ERGIC3: variants seen among roughly 807,000 people sequenced by gnomAD.
ERGIC3 encodes the protein endoplasmic reticulum-Golgi intermediate compartment protein 3.
In ERGIC3, 33 loss-of-function variants were observed where a neutral mutation model predicts 54.7. That is an observed-to-expected ratio of 0.60 (90% CI 0.46 to 0.81). The LOEUF (loss-of-function observed/expected upper bound fraction) is 0.81, where lower values mean the gene tolerates loss of function less well. Among genes scored for constraint, ERGIC3 ranks in the 30% least tolerant of loss-of-function variants. The pLI is 0.00. For synonymous variants in ERGIC3, 186 were observed against 189.8 expected (o/e 0.98, Z 0.16); for missense variants, 399 against 488.4 (o/e 0.82, Z 1.73).
intron 4 of ERGIC3, among the ~76,000 whole-genome samples, chr20:35,547,077 A>G (rs549058662): frequency 6.6e-6 from 1 of 152,294 alleles, no homozygotes; most frequent in Admixed American, 6.5e-5. Flanking sequence ...ACTTCTCATC[A>G]GTGAGCCTCA....
Position 35,542,748 on chromosome 20 carries a change from C to T in ERGIC3, c.248-74C>T, listed in dbSNP as rs752053585. ...TTCTGCCCCAAGACAGGCCCAGTATCCCCTTCCCCTCCAAAACCCACATCC... is the reference window on the plus strand; with the variant it reads ...TTCTGCCCCAAGACAGGCCCAGTATTCCCTTCCCCTCCAAAACCCACATCC... On this transcript the variant is annotated intron_variant, in intron 3 of 12. Coordinates refer to ENST00000348547, the MANE Select transcript of ERGIC3 (RefSeq NM_015966.3). 9 of 1,611,890 alleles carry T rather than the reference C, an allele frequency of 5.6e-6. No individual in the cohort carries two copies. The African/African-American group carries it at 1.2e-4, about 22-fold the overall frequency.
chr20:35,557,612 T>G lies in ERGIC3; in HGVS notation c.*108T>G, dbSNP rs1333568376. On this transcript the variant is annotated 3_prime_UTR_variant, in exon 13 of 13. Coordinates refer to ENST00000348547, the MANE Select transcript of ERGIC3 (RefSeq NM_015966.3). ...TCAGCCCCAGCCCCAGGTTGATAAA[T>G]CTATTGATTGATTGTGATAGTACTC... The G allele has an allele frequency of 1.1e-6, 1 of 910,418 alleles. No individual in the cohort carries two copies. 56.4% of individuals were successfully genotyped at this position (910,418 alleles called of 1,614,324 possible).
Position 35,556,858 on chromosome 20 carries a change from C to G in ERGIC3, c.880-115C>G, listed in dbSNP as rs759762381. 1.9e-5 allele frequency: 27 copies of G among 1,442,390 alleles called. 1 individual carries two copies. In the South Asian group the frequency reaches 2.2e-4, roughly 12 times the overall value. The allele number at this position is 1,442,390 out of a possible 1,614,324, so 89.3% of individuals were successfully genotyped here. A position where few individuals can be genotyped will look rare whatever the true frequency, so the allele number is the denominator to read the frequency against. On this transcript the variant is annotated intron_variant, in intron 10 of 12. Coordinates refer to ENST00000348547, the MANE Select transcript of ERGIC3 (RefSeq NM_015966.3). ...CAGGCCACTAGCACGGTGCTGTGTT[C>G]TCTCCTTACACGGCCAAGGCTCAAC...
Position 35,548,930 on chromosome 20 carries a change from T to A in ERGIC3, c.685+65T>A. ...CCACCTTCTTGGTGAGCTTGAGTGGTCCTCTTCTGCCTGCTGCTCATTTGT... is the reference window on the plus strand; with the variant it reads ...CCACCTTCTTGGTGAGCTTGAGTGGACCTCTTCTGCCTGCTGCTCATTTGT... On this transcript the variant is annotated intron_variant, in intron 7 of 12. Transcript: ENST00000348547. 2.5e-6 allele frequency: 4 copies of A among 1,570,504 alleles called. 1 individual carries two copies. In the Middle Eastern group the frequency reaches 5.1e-4, roughly 201 times the overall value.
intron 2 of ERGIC3, 38 bp downstream of exon 2, chr20:35,542,431 A>T (rs747681501): frequency 6.2e-7 from 1 of 1,613,658 alleles, no homozygotes; most frequent in African/African-American, 1.3e-5. Context: ...GGGGCTTGGC[A>T]TTCTAGGAGT....
Position 35,557,030 on chromosome 20 carries a change from T to C in ERGIC3, c.937T>C (p.Leu313=). ...ACATGAGAAGGTTGCCAATGGGCTG[T>C]TGGGCGACCAAGGCCTTCCCGGAGT... is the stretch of plus-strand genomic sequence containing the variant. The part of the protein sequence containing the change: ...TRHEKVANGL[L]GDQGLPGVFV... The change falls in exon 11 of 13, where the codon TTG becomes CTG. Residue 313 remains leucine, a synonymous_variant. Coordinates refer to ENST00000348547, the MANE Select transcript of ERGIC3 (RefSeq NM_015966.3). The C allele has an allele frequency of 1.2e-6, 2 of 1,614,218 alleles. No homozygotes were observed. The highest frequency in any genetic ancestry group is 1.3e-5 in the African/African-American group (1 of 75,058).
chr20:35,557,023 T>C lies in ERGIC3; in HGVS notation c.930T>C (p.Asn310=), dbSNP rs1418217879. ...TGACCAGACATGAGAAGGTTGCCAA[T>C]GGGCTGTTGGGCGACCAAGGCCTTC... ...FSVTRHEKVA[N]GLLGDQGLPG... Residue 310 remains asparagine, a synonymous_variant, in exon 11 of 13, where the codon AAT becomes AAC. Transcript: ENST00000348547. 3.1e-6 allele frequency: 5 copies of C among 1,614,080 alleles called. No individual in the cohort carries two copies. The African/African-American group carries it at 5.3e-5, about 17-fold the overall frequency.
At chr20:35,557,365 T>G (rs2064720344) in intron 12 of ERGIC3, 60 bp from the exon 13 acceptor site, 2 of 1,608,044 alleles carry the variant, frequency 1.2e-6, no homozygotes, top group Admixed American at 3.3e-5. Flanking sequence ...GTGACAAGGC[T>G]CTCAGCGTCA....
At chr20:35,551,306 A>T (rs2064680640) in intron 7 of ERGIC3, among the ~76,000 whole-genome samples, 1 of 151,976 alleles carries the variant, frequency 6.6e-6, no homozygotes, top group Non-Finnish European at 1.5e-5. Flanking sequence ...TTAAAAAAAA[A>T]AAAAAGGATA....
intron 4 of ERGIC3, 184 bp downstream of exon 4, chr20:35,543,125 A>C: frequency 1.5e-6 from 1 of 688,620 alleles, no homozygotes; most frequent in Non-Finnish European, 2.4e-6. Context: ...CTCTATACAT[A>C]TCGAGTCAGG....
chr20:35,557,014 G>A lies in ERGIC3; in HGVS notation c.921G>A (p.Lys307=), dbSNP rs1214393154. ...AGTTCTCTGTGACCAGACATGAGAA[G>A]GTTGCCAATGGGCTGTTGGGCGACC... ...TNQFSVTRHE[K]VANGLLGDQG... The change falls in exon 11 of 13, where the codon AAG becomes AAA. Residue 307 remains lysine (K), a synonymous_variant. Coordinates refer to ENST00000348547, the MANE Select transcript of ERGIC3 (RefSeq NM_015966.3). The A allele has an allele frequency of 6.2e-7, 1 of 1,614,248 alleles. No homozygotes were observed. The highest frequency in any genetic ancestry group is 1.3e-5 in the African/African-American group (1 of 75,062).
chr20:35,545,005 C>T (rs550880104), intron 4 of ERGIC3: 1 of 151,954 alleles, frequency 6.6e-6, no homozygotes, highest in Non-Finnish European at 1.5e-5. Flanking sequence ...GTTTCACCAT[C>T]GTGGCCAGGC....
At chr20:35,557,399 A>G in intron 12 of ERGIC3, 26 bp from the exon 13 acceptor site, 1 of 1,613,016 alleles carries the variant, frequency 6.2e-7, no homozygotes. Flanking sequence ...CCACTGGGCC[A>G]GTGCCAGCCC....
intron 7 of ERGIC3, among the ~76,000 whole-genome samples, chr20:35,550,654 A>G (rs1023554968): frequency 6.6e-6 from 1 of 152,102 alleles, no homozygotes; most frequent in Admixed American, 6.6e-5. Context: ...ACAGGGCCAT[A>G]TCATGCAGGG....
rs1400783951 is a variant in ERGIC3 at position 35,542,127 on chromosome 20, C to G, written c.30C>G (p.Phe10Leu). ...AGGCGCTGGGGAAGCTGAAGCAGTT[C>G]GATGCCTACCCCAAGACTTTGGAGG... MEALGKLKQFDAYPKTLEDF... is the reference protein window; with the variant it reads MEALGKLKQLDAYPKTLEDF... The change falls in exon 1 of 13, where the codon TTC becomes TTG. Residue 10 changes from phenylalanine (F) to leucine (L), a missense_variant. By Grantham distance (22) the Phe-to-Leu change is conservative. Transcript: ENST00000348547. The G allele has an allele frequency of 1.3e-6, 2 of 1,564,144 alleles. No individual in the cohort carries two copies. Among genetic ancestry groups the G allele is most frequent in the Middle Eastern group, 1.7e-4 (1 of 5,830 alleles).
At chr20:35,553,020 A>T (rs1165874468) in intron 7 of ERGIC3, among the ~76,000 whole-genome samples, 218 of 41,548 alleles carry the variant, frequency 5.2e-3, no homozygotes, top group South Asian at 0.014. Context: ...AAAGCTGGGG[A>T]TTTTTTTTTT....
At chr20:35,556,787 A>G (rs1000332778) in intron 10 of ERGIC3, 186 bp from the exon 11 acceptor site, 2 of 746,108 alleles carry the variant, frequency 2.7e-6, no homozygotes, top group Non-Finnish European at 4.4e-6. Context: ...GGGAAGGCTG[A>G]GGCCAAGACT....
intron 7 of ERGIC3, chr20:35,554,501 TG>T: frequency 8.8e-7 from 1 of 1,132,484 alleles, no homozygotes; most frequent in Non-Finnish European, 1.3e-6. Flanking sequence ...ACCTGGCTGC[TG>T]GGTGACTGTA....
At chr20:35,543,287 A>G (rs1017018611) in intron 4 of ERGIC3, 5 of 342,606 alleles carry the variant, frequency 1.5e-5, no homozygotes, top group Non-Finnish European at 2.9e-5. Flanking sequence ...TTCCCAGCCC[A>G]TTGGCTTAAT....
Sources: gnomAD v4.1 joint callset for allele counts (sites outside exome capture counted in the v4.1 genomes callset) on GRCh38, gnomAD v4.1.1 for gene constraint, MANE v1.5 for transcripts, NCBI Gene and HGNC (gene_info 2026-07-23, HGNC 2026-07-21) for gene names.